Variants in ARID1B observed in about 807,000 individuals in gnomAD.
ARID1B encodes the protein AT-rich interactive domain-containing protein 1B.
A neutral mutation model predicts 212.3 loss-of-function variants in ARID1B; 30 were observed. The observed-to-expected ratio is 0.14, with a 90% CI of 0.11 to 0.19. The LOEUF is 0.19. ARID1B is among the 10% of genes least tolerant of loss of function. The probability of loss-of-function intolerance (pLI) is 1.00; values close to 1 mark genes in which losing one functional copy is unlikely to be tolerated. For missense variants in ARID1B, 2,891 were observed against 3,204.0 expected (o/e 0.90, Z 2.36); for synonymous variants, 1,402 against 1,301.7 (o/e 1.08, Z -1.66).
intron 1 of ARID1B, among the ~76,000 whole-genome samples, chr6:156,822,372 C>G (rs1255481723): frequency 6.6e-6 from 1 of 152,236 alleles, no homozygotes; most frequent in African/African-American, 2.4e-5. Flanking sequence ...CTCCTTCAGT[C>G]TGATGATCGT....
chr6:157,031,563 C>T (rs1318234356), intron 4 of ARID1B, among the ~76,000 whole-genome samples: 1 of 152,138 alleles, frequency 6.6e-6, no homozygotes, highest in African/African-American at 2.4e-5. Context: ...TTTGCCTTTC[C>T]CATCCTTGCC....
chr6:157,160,446 A>G (rs1276853967), intron 8 of ARID1B, among the ~76,000 whole-genome samples: 2 of 152,068 alleles, frequency 1.3e-5, no homozygotes, highest in East Asian at 3.9e-4. Context: ...TTTCACCTCC[A>G]CGATATTGCT....
chr6:157,039,318 A>G lies in ARID1B; in HGVS notation c.2248-45344A>G, dbSNP rs1421401536. Among the ~76,000 whole-genome samples the G allele has an allele frequency of 1.2e-4, 14 of 112,826 alleles. No homozygotes were observed. The East Asian group carries it at 3.3e-3, about 26-fold the overall frequency. 74.0% of individuals were successfully genotyped at this position (112,826 alleles called of 152,430 possible). A position where few individuals can be genotyped will look rare whatever the true frequency, so the allele number is the denominator to read the frequency against. ...TATAATTAAAAATGGGAAATTTGAC[A>G]TTTCTTTTTTTTTTTTTTTTTTTGA... On this transcript the variant is annotated intron_variant, in intron 4 of 19. Transcript: ENST00000636930.
At chr6:156,823,833 T>A (rs1260884615) in intron 1 of ARID1B, among the ~76,000 whole-genome samples, 2 of 152,106 alleles carry the variant, frequency 1.3e-5, no homozygotes, top group Non-Finnish European at 2.9e-5. Context: ...TACAATTAGA[T>A]ATCTTTTACT....
At chr6:156,938,246 T>C (rs1265827310) in intron 4 of ARID1B, 3 of 152,328 alleles carry the variant, frequency 2.0e-5, no homozygotes, top group Non-Finnish European at 2.9e-5. Flanking sequence ...TTTCAGGGAA[T>C]GATTTGTTGA....
chr6:156,829,025 C>T (rs990351047), intron 1 of ARID1B, among the ~76,000 whole-genome samples: 2 of 152,138 alleles, frequency 1.3e-5, no homozygotes, highest in African/African-American at 2.4e-5. Context: ...TTAAAAACTC[C>T]TAAAAGTAAA....
At chr6:156,930,097 A>G (rs1791577015) in intron 3 of ARID1B, among the ~76,000 whole-genome samples, 1 of 152,190 alleles carries the variant, frequency 6.6e-6, no homozygotes, top group Non-Finnish European at 1.5e-5. Context: ...AACATTTCAA[A>G]TGTAGCAATC....
intron 7 of ARID1B, among the ~76,000 whole-genome samples, chr6:157,136,659 C>T (rs572919927): frequency 2.6e-5 from 4 of 152,088 alleles, no homozygotes; most frequent in South Asian, 2.1e-4. Context: ...GTCAGGAGTT[C>T]GAGACCAGCC....
At chr6:157,024,299 T>G (rs1780515769) in intron 4 of ARID1B, 1 of 152,268 alleles carries the variant, frequency 6.6e-6, no homozygotes, top group South Asian at 2.1e-4. Context: ...TGAATCTTAC[T>G]GCCAAGTGAC....
chr6:157,131,717 A>G (rs931466811), intron 6 of ARID1B, among the ~76,000 whole-genome samples: 3 of 152,044 alleles, frequency 2.0e-5, no homozygotes, highest in African/African-American at 7.2e-5. Context: ...TTGAGATGGA[A>G]TCTCACTGTA....
chr6:157,039,670 C>CTTCCTTCCTTCTTTCTTTCT (rs1562569165), intron 4 of ARID1B, among the ~76,000 whole-genome samples: 16 of 55,302 alleles, frequency 2.9e-4, no homozygotes, highest in African/African-American at 1.4e-3. Context: ...TCCTTCCTTC[C>CTTCCTTCCTTCTTTCTTTCT]TTCCTTCCTT....
chr6:156,813,225 T>C (rs564346474), intron 1 of ARID1B, among the ~76,000 whole-genome samples: 107 of 150,802 alleles, frequency 7.1e-4, no homozygotes, highest in Middle Eastern at 3.4e-3. Flanking sequence ...TGACTCAGCC[T>C]CCCGAGTAGC....
At chr6:157,205,946 G>T in intron 19 of ARID1B, 1 of 575,810 alleles carries the variant, frequency 1.7e-6, no homozygotes, top group Non-Finnish European at 3.1e-6. Context: ...CAGCAAATAA[G>T]GAACATGCTA....
chr6:156,907,074 C>T (rs528119898), intron 3 of ARID1B, among the ~76,000 whole-genome samples: 2 of 152,286 alleles, frequency 1.3e-5, no homozygotes, highest in South Asian at 2.1e-4. Flanking sequence ...TAAAAAATCA[C>T]TGCCTTCCTG....
chr6:156,830,234 T>C (rs535214358), intron 2 of ARID1B, among the ~76,000 whole-genome samples: 2 of 152,306 alleles, frequency 1.3e-5, no homozygotes, highest in South Asian at 4.1e-4. Context: ...AAAGGCTTAT[T>C]TATAAATCGC....
chr6:156,986,092 G>C (rs1282659471), intron 4 of ARID1B, among the ~76,000 whole-genome samples: 1 of 152,206 alleles, frequency 6.6e-6, no homozygotes, highest in Non-Finnish European at 1.5e-5. Context: ...AGGATTCACA[G>C]AGGAAGGGAA....
intron 6 of ARID1B, among the ~76,000 whole-genome samples, chr6:157,130,108 G>A (rs549773134): frequency 1.3e-5 from 2 of 152,192 alleles, no homozygotes; most frequent in Admixed American, 6.5e-5. Context: ...GGTGGAGGTT[G>A]TAGTGAGATG....
At chr6:156,897,261 C>A (rs137921057) in intron 2 of ARID1B, among the ~76,000 whole-genome samples, 16,312 of 91,304 alleles carry the variant, frequency 0.18, 1,677 homozygotes, top group African/African-American at 0.32. Context: ...TCTTCTTCTT[C>A]TTCTTATTAT....
intron 4 of ARID1B, among the ~76,000 whole-genome samples, chr6:156,968,794 C>T (rs958473598): frequency 9.9e-5 from 15 of 152,216 alleles, no homozygotes; most frequent in African/African-American, 3.6e-4. Context: ...AGGCTCCTTC[C>T]TCACAGGGTC....
Sources: allele counts gnomAD v4.1 joint callset (sites outside exome capture counted in the v4.1 genomes callset), GRCh38; gene constraint gnomAD v4.1.1; transcripts MANE v1.5; gene names NCBI Gene and HGNC (gene_info 2026-07-23, HGNC 2026-07-21).